The following IQSEC2 variants were observed in gnomAD, a reference collection of about 807,000 sequenced individuals.
The protein encoded by IQSEC2 is IQ motif and Sec7 domain ArfGEF 2, also known as IQ motif and SEC7 domain-containing protein 2.
Under a neutral mutation model 74.6 loss-of-function variants are expected in IQSEC2, and 6 were observed. The observed-to-expected ratio is 0.08, with a 90% CI of 0.04 to 0.16. The LOEUF (loss-of-function observed/expected upper bound fraction) is 0.16. Ranked by LOEUF, IQSEC2 falls within the 10% of genes least tolerant of loss-of-function variation. The pLI is 1.00. For missense variants in IQSEC2, 734 were observed against 1,306.2 expected, an observed-to-expected ratio of 0.56 and a Z score of 6.75; for synonymous variants, 494 against 544.5, an observed-to-expected ratio of 0.91 and a Z score of 1.29.
At chrX:53,310,007 C>T (rs919395546) in intron 1 of IQSEC2, among the ~76,000 whole-genome samples, 3 of 111,566 alleles carry the variant, frequency 2.7e-5, no homozygotes, top group Admixed American at 9.6e-5. Context: ...ATTTACGGAG[C>T]ACCTACAGTA....
chrX:53,260,476 A>T (rs2074552922), intron 2 of IQSEC2, among the ~76,000 whole-genome samples: 1 of 111,753 alleles, frequency 8.9e-6, no homozygotes, highest in African/African-American at 3.3e-5. Context: ...GAGGGACATG[A>T]TCTAACTTGG....
intron 9 of IQSEC2, among the ~76,000 whole-genome samples, chrX:53,242,896 C>T (rs1556861221): frequency 9.0e-6 from 1 of 111,092 alleles, no homozygotes; most frequent in East Asian, 2.8e-4. Flanking sequence ...CCATCACGCC[C>T]GCAGCTAATT....
intron 1 of IQSEC2, among the ~76,000 whole-genome samples, chrX:53,309,265 C>A (rs782784749): frequency 8.9e-6 from 1 of 112,006 alleles, no homozygotes; most frequent in East Asian, 2.8e-4. Context: ...TATGAAGTTA[C>A]CGCCAGAAGA....
At chrX:53,228,497 G>A (rs1473557539), downstream of IQSEC2, among the ~76,000 whole-genome samples, 4 of 111,696 alleles carry the variant, frequency 3.6e-5, no homozygotes, top group African/African-American at 9.8e-5. Flanking sequence ...CCATCCACCC[G>A]GGAGACAGGG....
At position 53,248,294 on chromosome X, in the gene IQSEC2, C is replaced by T. The variant is rs1247937480; in HGVS notation, c.2460-58G>A. On this transcript the variant is annotated intron_variant, in intron 6 of 14. Transcript: ENST00000642864. ...AATTCCTCTGCAGAAAACCTCTGAC[C>T]CACCTGGACCTGCTCAAATGGACCA... The T allele has an allele frequency of 2.5e-6, 3 of 1,179,800 alleles. No individual in the cohort carries two copies. In the African/African-American group the frequency reaches 5.3e-5, roughly 21 times the overall value.
At chrX:53,281,688 A>C in intron 2 of IQSEC2, 1 of 528,908 alleles carries the variant, frequency 1.9e-6, no homozygotes, top group Non-Finnish European at 2.8e-6. Flanking sequence ...TCCTTCCCCT[A>C]CTCCTCCAGG....
chrX:53,313,071 T>C (rs1401287169), intron 1 of IQSEC2, among the ~76,000 whole-genome samples: 2 of 112,345 alleles, frequency 1.8e-5, no homozygotes, highest in Non-Finnish European at 3.8e-5. Flanking sequence ...TTGTCATCTT[T>C]GTTTTGAAAG....
intron 1 of IQSEC2, among the ~76,000 whole-genome samples, chrX:53,292,798 C>T (rs782402280): frequency 3.6e-5 from 4 of 111,528 alleles, no homozygotes; most frequent in South Asian, 7.5e-4. Flanking sequence ...TGTATGTGCG[C>T]GCGCACGTGT....
intron 2 of IQSEC2, among the ~76,000 whole-genome samples, chrX:53,271,541 C>T (rs1388134152): frequency 9.0e-6 from 1 of 111,578 alleles, no homozygotes; most frequent in Non-Finnish European, 1.9e-5. Flanking sequence ...TATCATCTGA[C>T]ACTTCTATTG....
At chrX:53,316,831 CAA>C (rs376964568) in intron 1 of IQSEC2, among the ~76,000 whole-genome samples, 17 of 73,127 alleles carry the variant, frequency 2.3e-4, no homozygotes, top group Non-Finnish European at 1.4e-4. Context: ...AAACCAAAAC[CAA>C]AAAAAAAAAA....
intron 8 of IQSEC2, among the ~76,000 whole-genome samples, chrX:53,245,442 A>AT (rs1342366685): frequency 4.6e-5 from 5 of 108,683 alleles, no homozygotes; most frequent in African/African-American, 6.7e-5. Context: ...AATAAAAAAA[A>AT]AAAAAACAAA....
At chrX:53,316,437 C>T (rs868930174) in intron 1 of IQSEC2, among the ~76,000 whole-genome samples, 19 of 111,460 alleles carry the variant, frequency 1.7e-4, no homozygotes, top group African/African-American at 3.3e-4. Flanking sequence ...CACTGTCTCA[C>T]GTGCTGTCTC....
At chrX:53,318,511 A>G (rs782446870) in intron 1 of IQSEC2, among the ~76,000 whole-genome samples, 1 of 111,931 alleles carries the variant, frequency 8.9e-6, no homozygotes, top group Non-Finnish European at 1.9e-5. Flanking sequence ...GGAATCCCAT[A>G]ACTGGGGACG....
At position 53,236,364 on chromosome X, in the gene IQSEC2, G is replaced by A. The variant is rs2074129855; in HGVS notation, c.3409C>T (p.Arg1137Trp). ...CGCAGGGAACTGCTGAGTGCGCCCC[G>A]TTTGAGCCCATCGCCTGCCCCGTAA... ...DTYGAGDGLK[R>W]GALSSSLRDL... Residue 1137 changes from arginine to tryptophan, a missense_variant, in exon 13 of 15, where the codon CGG (arginine) becomes TGG (tryptophan). By Grantham distance (101) the Arg-to-Trp change is moderately radical. Coordinates refer to ENST00000642864, the MANE Select transcript of IQSEC2 (RefSeq NM_001111125.3). 1 of 1,209,462 alleles carries A rather than the reference G, an allele frequency of 8.3e-7. No homozygotes were observed. Among genetic ancestry groups the A allele is most frequent in the Non-Finnish European group, 1.1e-6 (1 of 894,260 alleles).
intron 2 of IQSEC2, among the ~76,000 whole-genome samples, chrX:53,290,187 G>A (rs926997379): frequency 9.0e-6 from 1 of 111,377 alleles, no homozygotes; most frequent in Non-Finnish European, 1.9e-5. Flanking sequence ...TAACCACTGT[G>A]AGCCTCAGTT....
chrX:53,254,284 C>T (rs1470635900), intron 4 of IQSEC2, among the ~76,000 whole-genome samples: 1 of 103,644 alleles, frequency 9.6e-6, no homozygotes, highest in Non-Finnish European at 1.9e-5. Flanking sequence ...GAGCCAAGAT[C>T]GTGCCATTGC....
In IQSEC2 at chrX:53,248,161, C is replaced by G; in HGVS notation, c.2535G>C (p.Arg845=). ...CCACTTTCTGGGCCTCACCCTGAAC[C>G]CGGATATGGGACTGGAACTTCCGGA... ...DALRKFQSHI[R]VQGEAQKVER... The change falls in exon 7 of 15, where the codon CGG becomes CGC. Residue 845 remains arginine (R), a synonymous_variant. Coordinates refer to ENST00000642864, the MANE Select transcript of IQSEC2 (RefSeq NM_001111125.3). 8.3e-7 allele frequency: 1 copy of G among 1,210,474 alleles called. No individual in the cohort carries two copies. The highest frequency in any genetic ancestry group is 1.1e-6 in the Non-Finnish European group (1 of 894,883).
chrX:53,314,603 G>A (rs1364605234), intron 1 of IQSEC2, among the ~76,000 whole-genome samples: 1 of 111,897 alleles, frequency 8.9e-6, no homozygotes, highest in Non-Finnish European at 1.9e-5. Context: ...AAGACCTAGA[G>A]GCTAGCAGAA....
chrX:53,304,380 C>T lies in IQSEC2; in HGVS notation c.708-12456G>A, dbSNP rs376163967. Among the ~76,000 whole-genome samples the T allele has an allele frequency of 1.4e-4, 16 of 111,551 alleles. 1 individual carries two copies. The East Asian group carries it at 3.4e-3, about 23-fold the overall frequency. On this transcript the variant is annotated intron_variant, in intron 1 of 14. Coordinates refer to ENST00000642864, the MANE Select transcript of IQSEC2 (RefSeq NM_001111125.3). ...CAAACAATCCTGAAGGCAAAGATGGCGGTAAAGGACAAAATGAAGGCCATG... is the reference window on the plus strand; with the variant it reads ...CAAACAATCCTGAAGGCAAAGATGGTGGTAAAGGACAAAATGAAGGCCATG...
Sources: allele counts gnomAD v4.1 joint callset (sites outside exome capture counted in the v4.1 genomes callset), GRCh38; gene constraint gnomAD v4.1.1; transcripts MANE v1.5; gene names NCBI Gene and HGNC (gene_info 2026-07-23, HGNC 2026-07-21).